The following VAV2 variants were observed in gnomAD, a reference collection of about 807,000 sequenced individuals.
The protein encoded by VAV2 is guanine nucleotide exchange factor VAV2.
A neutral mutation model predicts 132.5 loss-of-function variants in VAV2; 67 were observed. The ratio of observed to expected loss-of-function variants is 0.51; its 90% CI spans 0.42 to 0.62. The LOEUF (loss-of-function observed/expected upper bound fraction) is 0.62. VAV2 is among the 20% of genes least tolerant of loss of function. VAV2 has a pLI of 0.00. For synonymous variants in VAV2, 492 were observed against 443.5 expected, an observed-to-expected ratio of 1.11 and a Z score of -1.37; for missense variants, 938 against 1,153.6, an observed-to-expected ratio of 0.81 and a Z score of 2.71.
At chr9:133,891,765 C>T (rs1363206840) in intron 2 of VAV2, among the ~76,000 whole-genome samples, 3 of 28,232 alleles carry the variant, frequency 1.1e-4, no homozygotes, top group African/African-American at 1.5e-4. Context: ...GGAGGGGGAG[C>T]GATGGAGAGG....
At chr9:133,965,319 C>T (rs1185334111) in intron 1 of VAV2, among the ~76,000 whole-genome samples, 1 of 150,822 alleles carries the variant, frequency 6.6e-6, no homozygotes. Flanking sequence ...GAAACCCCAT[C>T]TCTAAAAAAA....
intron 1 of VAV2, among the ~76,000 whole-genome samples, chr9:133,976,230 C>T (rs1006182176): frequency 1.3e-5 from 2 of 152,092 alleles, no homozygotes; most frequent in East Asian, 1.9e-4. Flanking sequence ...CTATGTTGGC[C>T]GCCTCTAGGG....
intron 4 of VAV2, among the ~76,000 whole-genome samples, chr9:133,832,364 A>G (rs1336482568): frequency 6.6e-6 from 1 of 152,160 alleles, no homozygotes; most frequent in Non-Finnish European, 1.5e-5. Context: ...CTCTGAGCAT[A>G]GCAAGTAGGG....
At chr9:133,876,719 C>A (rs1015027848) in intron 2 of VAV2, among the ~76,000 whole-genome samples, 3 of 152,120 alleles carry the variant, frequency 2.0e-5, no homozygotes, top group African/African-American at 4.8e-5. Flanking sequence ...GCCAGGTGCA[C>A]GATGGCAGGA....
intron 2 of VAV2, among the ~76,000 whole-genome samples, chr9:133,872,846 C>A (rs1043477256): frequency 6.6e-6 from 1 of 152,104 alleles, no homozygotes; most frequent in African/African-American, 2.4e-5. Flanking sequence ...AAGGGGGTGG[C>A]TCACGCCTGT....
intron 1 of VAV2, among the ~76,000 whole-genome samples, chr9:133,987,239 G>A (rs983606996): frequency 4.6e-5 from 7 of 152,064 alleles, no homozygotes; most frequent in African/African-American, 1.7e-4. Context: ...TTTGCAGAAG[G>A]AGCAGCAAGG....
intron 23 of VAV2, among the ~76,000 whole-genome samples, chr9:133,776,545 G>A (rs74569455): frequency 2.6e-5 from 4 of 152,102 alleles, no homozygotes; most frequent in Non-Finnish European, 5.9e-5. Flanking sequence ...TGGGCCACAG[G>A]CTGGGCACAG....
rs145806781 is a variant in VAV2 at position 133,826,003 on chromosome 9, C to T, written c.449+8269G>A. Reference sequence around the variant, plus strand: ...AATAAAGCATGCAGCTCTACATTCGCGGATACATTACATTCCCTGCCGTGT... The same window carrying T: ...AATAAAGCATGCAGCTCTACATTCGTGGATACATTACATTCCCTGCCGTGT... On this transcript the variant is annotated intron_variant, in intron 4 of 29. Coordinates refer to ENST00000371850, the MANE Select transcript of VAV2 (RefSeq NM_001134398.2). The surrounding 1 kb of genome is among the most constrained non-coding windows in gnomAD (Gnocchi z 4.2). Among the ~76,000 whole-genome samples, 55 of 152,350 alleles carry T rather than the reference C, an allele frequency of 3.6e-4. No individual in the cohort carries two copies. Among genetic ancestry groups the T allele is most frequent in the African/African-American group, 1.2e-3 (49 of 41,580 alleles).
Position 133,863,411 on chromosome 9 carries a change from G to A in VAV2, c.322-1979C>T, listed in dbSNP as rs1392905859. The stretch of plus-strand genomic sequence containing the variant: ...CCTGGAGTCAGCGCAAAGGCCCCAG[G>A]TCGGGTCGTACAGATGGAACCGGGT... On this transcript the variant is annotated intron_variant, in intron 2 of 29. Coordinates refer to ENST00000371850, the MANE Select transcript of VAV2 (RefSeq NM_001134398.2). The surrounding 1 kb of genome is among the most constrained non-coding windows in gnomAD (Gnocchi z 5.0). 6.6e-6 allele frequency among the ~76,000 whole-genome samples: 1 copy of A among 152,140 alleles called. No individual in the cohort carries two copies.
At chr9:133,910,674 CTT>C (rs1839848259) in intron 2 of VAV2, among the ~76,000 whole-genome samples, 1 of 149,740 alleles carries the variant, frequency 6.7e-6, no homozygotes, top group Non-Finnish European at 1.5e-5. Flanking sequence ...ATTACAAAAA[CTT>C]AGCCGAGCGT....
chr9:133,820,323 C>CTTTTTTTTTTTTTTTTTTT, intron 4 of VAV2, among the ~76,000 whole-genome samples: 1 of 149,084 alleles, frequency 6.7e-6, no homozygotes. Flanking sequence ...GTTTCTTTTT[C>CTTTTTTTTTTTTTTTTTTT]TTTTTCTTTT....
intron 2 of VAV2, among the ~76,000 whole-genome samples, chr9:133,867,699 C>T (rs1460583986): frequency 6.6e-6 from 1 of 152,270 alleles, no homozygotes; most frequent in Non-Finnish European, 1.5e-5. Context: ...TCCCACCCAG[C>T]TCTCGCCACC....
chr9:133,923,577 CTG>C (rs1378352865), intron 2 of VAV2, among the ~76,000 whole-genome samples: 2 of 152,152 alleles, frequency 1.3e-5, no homozygotes, highest in Non-Finnish European at 2.9e-5. Flanking sequence ...TTGTGGAAGA[CTG>C]TGGCGATTCC....
chr9:133,911,963 G>C (rs182210133), intron 2 of VAV2, among the ~76,000 whole-genome samples: 1 of 152,132 alleles, frequency 6.6e-6, no homozygotes, highest in African/African-American at 2.4e-5. Flanking sequence ...AGGGGTACAC[G>C]TGCAGGATGT....
chr9:133,872,222 G>A (rs1230759371), intron 2 of VAV2, among the ~76,000 whole-genome samples: 1 of 149,652 alleles, frequency 6.7e-6, no homozygotes, highest in Non-Finnish European at 1.5e-5. Flanking sequence ...ACCCCAAGAG[G>A]GAAGAGAAGA....
intron 3 of VAV2, among the ~76,000 whole-genome samples, chr9:133,846,676 G>T (rs971849428): frequency 4.6e-5 from 7 of 152,184 alleles, no homozygotes; most frequent in Non-Finnish European, 8.8e-5. Flanking sequence ...CCAGGGCATG[G>T]CCTCCTCAGT....
At chr9:133,796,282 C>T (rs749994740) in intron 11 of VAV2, 147 bp downstream of exon 11, 16 of 637,406 alleles carry the variant, frequency 2.5e-5, no homozygotes, top group Middle Eastern at 2.6e-4. Flanking sequence ...ATGCATTGAG[C>T]GGTGATTATG....
intron 1 of VAV2, among the ~76,000 whole-genome samples, chr9:133,951,227 A>G (rs1841549705): frequency 6.6e-6 from 1 of 152,218 alleles, no homozygotes; most frequent in Non-Finnish European, 1.5e-5. Context: ...TCCCCTGCAG[A>G]AGGCCACAAG....
chr9:133,854,260 C>T (rs571218922), intron 3 of VAV2, among the ~76,000 whole-genome samples: 61 of 147,116 alleles, frequency 4.1e-4, no homozygotes, highest in Non-Finnish European at 4.3e-4. Flanking sequence ...CATCTGCACA[C>T]ACACACGCAC....
Sources: allele counts gnomAD v4.1 joint callset (sites outside exome capture counted in the v4.1 genomes callset), GRCh38; gene constraint gnomAD v4.1.1; non-coding constraint Gnocchi (gnomAD v3.1); transcripts MANE v1.5; gene names NCBI Gene and HGNC (gene_info 2026-07-23, HGNC 2026-07-21).